Variants in SLC6A11 observed in about 807,000 individuals in gnomAD.
SLC6A11 encodes sodium- and chloride-dependent GABA transporter 3.
SLC6A11 carries 25 observed loss-of-function variants against 74.8 expected under a neutral mutation model. The observed-to-expected ratio is 0.33, with a 90% CI of 0.24 to 0.47. The LOEUF is 0.47. SLC6A11 is among the 20% of genes least tolerant of loss of function. The pLI is 1.00. For synonymous variants in SLC6A11, 330 were observed against 330.2 expected, an observed-to-expected ratio of 1.00 and a Z score of 0.01; for missense variants, 574 against 837.0, an observed-to-expected ratio of 0.69 and a Z score of 3.88.
intron 5 of SLC6A11, among the ~76,000 whole-genome samples, chr3:10,855,927 C>G (rs1694634132): frequency 6.6e-6 from 1 of 152,192 alleles, no homozygotes; most frequent in East Asian, 1.9e-4. Flanking sequence ...GATTGGGAAC[C>G]CATTGCATGC....
chr3:10,845,013 C>T (rs1694485741), intron 5 of SLC6A11, among the ~76,000 whole-genome samples: 1 of 152,180 alleles, frequency 6.6e-6, no homozygotes, highest in African/African-American at 2.4e-5. Flanking sequence ...ACCATGGGGA[C>T]ATCTGGGGAG....
intron 5 of SLC6A11, among the ~76,000 whole-genome samples, chr3:10,870,776 T>C (rs537076651): frequency 6.6e-6 from 1 of 152,306 alleles, no homozygotes; most frequent in Non-Finnish European, 1.5e-5. Context: ...ATGATGCCTC[T>C]AAGCCACCTT....
chr3:10,920,433 T>C (rs1477290666), intron 8 of SLC6A11, among the ~76,000 whole-genome samples: 1 of 152,174 alleles, frequency 6.6e-6, no homozygotes, highest in African/African-American at 2.4e-5. Flanking sequence ...GTAGGCTGAG[T>C]TCTTCCATTT....
In SLC6A11 at chr3:10,938,472, C is replaced by G; in HGVS notation, c.*70C>G. ...TGTATGTAAATGAATTCCTGAACCCCATACTTCACCTAATGGTAGGGGCTT... is the reference window on the plus strand; with the variant it reads ...TGTATGTAAATGAATTCCTGAACCCGATACTTCACCTAATGGTAGGGGCTT... On this transcript the variant is annotated 3_prime_UTR_variant, in exon 14 of 14. Coordinates refer to ENST00000254488, the MANE Select transcript of SLC6A11 (RefSeq NM_014229.3). 8.2e-6 allele frequency: 12 copies of G among 1,456,212 alleles called. No homozygotes were observed. Among genetic ancestry groups the G allele is most frequent in the Non-Finnish European group, 1.0e-5 (11 of 1,076,878 alleles). 90.2% of individuals were successfully genotyped at this position (1,456,212 alleles called of 1,614,324 possible). A position where few individuals can be genotyped will look rare whatever the true frequency, so the allele number is the denominator to read the frequency against.
At position 10,939,759 on chromosome 3, in the gene SLC6A11, C is replaced by T. The variant is rs1490441176; in HGVS notation, c.*1357C>T. 1.3e-5 allele frequency: 2 copies of T among 152,310 alleles called. No individual in the cohort carries two copies. Among genetic ancestry groups the T allele is most frequent in the East Asian group, 1.9e-4 (1 of 5,190 alleles). 9.4% of individuals were successfully genotyped at this position (152,310 alleles called of 1,614,324 possible). On this transcript the variant is annotated 3_prime_UTR_variant, in exon 14 of 14. Coordinates refer to ENST00000254488, the MANE Select transcript of SLC6A11 (RefSeq NM_014229.3). ...TCTCAGCTCTCACTAGAGGGAAGAC[C>T]TGGGCATCCTGCTGGCTCCTCTCTC...
chr3:10,872,713 A>C (rs1052590553), intron 5 of SLC6A11, among the ~76,000 whole-genome samples: 2 of 152,232 alleles, frequency 1.3e-5, no homozygotes, highest in Non-Finnish European at 2.9e-5. Context: ...GAACTGAGTC[A>C]ATAAAGGAAT....
Position 10,874,943 on chromosome 3 carries a change from C to G in SLC6A11, c.757-18C>G, listed in dbSNP as rs1694889713. 6.3e-7 allele frequency: 1 copy of G among 1,586,902 alleles called. No individual in the cohort carries two copies. The highest frequency in any genetic ancestry group is 1.3e-5 in the African/African-American group (1 of 74,186). On this transcript the variant is annotated intron_variant, in intron 5 of 13. Coordinates refer to ENST00000254488, the MANE Select transcript of SLC6A11 (RefSeq NM_014229.3). ...CTCTCACCCCCTTCTTGATTCTGTC[C>G]TCTCCTCTTGTGCACAGGTTGTATA... is the stretch of plus-strand genomic sequence containing the variant.
chr3:10,911,866 T>A (rs1695392297), intron 6 of SLC6A11, among the ~76,000 whole-genome samples: 1 of 152,174 alleles, frequency 6.6e-6, no homozygotes, highest in South Asian at 2.1e-4. Flanking sequence ...ATTCATAAAC[T>A]CTGGCAAATT....
intron 6 of SLC6A11, among the ~76,000 whole-genome samples, chr3:10,889,025 G>A (rs1695077326): frequency 6.6e-6 from 1 of 152,212 alleles, no homozygotes; most frequent in Non-Finnish European, 1.5e-5. Context: ...GTTTTTAAGT[G>A]GGGGAGGATC....
chr3:10,852,111 G>C (rs1444922635), intron 5 of SLC6A11, among the ~76,000 whole-genome samples: 1 of 152,274 alleles, frequency 6.6e-6, no homozygotes, highest in African/African-American at 2.4e-5. Context: ...AAGGAACTGA[G>C]AGCGCTGTCT....
At chr3:10,830,381 G>T (rs986239528) in intron 4 of SLC6A11, among the ~76,000 whole-genome samples, 2 of 152,222 alleles carry the variant, frequency 1.3e-5, no homozygotes, top group Admixed American at 1.3e-4. Context: ...CTGAAGAGCA[G>T]GCAGGGGCCA....
chr3:10,892,752 G>A lies in SLC6A11; in HGVS notation c.891+17657G>A, dbSNP rs180950415. 3.1e-3 allele frequency among the ~76,000 whole-genome samples: 467 copies of A among 152,018 alleles called. 2 individuals carry two copies. Among genetic ancestry groups the A allele is most frequent in the Admixed American group, 5.3e-3 (81 of 15,258 alleles). ...CTTTGGAGGAGACAAAGCCCAGAGA[G>A]AAGAGATGATTTACCTGTGGTCATG... On this transcript the variant is annotated intron_variant, in intron 6 of 13. Transcript: ENST00000254488.
rs188563454 is a variant in SLC6A11, at chr3:10,845,049, C to A, written c.756+703C>A. ...TGAGCATGCTGTGCACTGCAAGGAT[C>A]AGTACAGAGGTTAGAAACATGCAGC... is the stretch of plus-strand genomic sequence containing the variant. On this transcript the variant is annotated intron_variant, in intron 5 of 13. Coordinates refer to ENST00000254488, the MANE Select transcript of SLC6A11 (RefSeq NM_014229.3). Among the ~76,000 whole-genome samples, 6 of 152,302 alleles carry A rather than the reference C, an allele frequency of 3.9e-5. No homozygotes were observed. In the East Asian group the frequency reaches 9.7e-4, roughly 25 times the overall value.
At chr3:10,887,298 TGATG>T (rs113426564) in intron 6 of SLC6A11, among the ~76,000 whole-genome samples, 2,286 of 143,962 alleles carry the variant, frequency 0.016, 35 homozygotes, top group Middle Eastern at 0.025. Flanking sequence ...GATAAATGGA[TGATG>T]GATGGATGGA....
At chr3:10,923,841 C>T (rs1171619941) in intron 8 of SLC6A11, among the ~76,000 whole-genome samples, 1 of 138,752 alleles carries the variant, frequency 7.2e-6, no homozygotes, top group Non-Finnish European at 1.5e-5. Context: ...TAAACATCAC[C>T]AGTAATAATA....
chr3:10,858,400 G>T (rs1382320807), intron 5 of SLC6A11, among the ~76,000 whole-genome samples: 2 of 152,200 alleles, frequency 1.3e-5, no homozygotes, highest in Non-Finnish European at 2.9e-5. Context: ...ATCTTGAGAA[G>T]CAGGAGAGTT....
chr3:10,869,876 G>C (rs911651789), intron 5 of SLC6A11, among the ~76,000 whole-genome samples: 6 of 152,150 alleles, frequency 3.9e-5, no homozygotes, highest in Non-Finnish European at 8.8e-5. Flanking sequence ...TAAAAAGGGG[G>C]TGTAACTTCA....
chr3:10,865,950 C>A (rs1482568185), intron 5 of SLC6A11, among the ~76,000 whole-genome samples: 1 of 152,162 alleles, frequency 6.6e-6, no homozygotes, highest in African/African-American at 2.4e-5. Flanking sequence ...GCAACAGGAC[C>A]CACCCAAGAT....
intron 6 of SLC6A11, among the ~76,000 whole-genome samples, chr3:10,891,401 T>C (rs1695106080): frequency 6.6e-6 from 1 of 152,258 alleles, no homozygotes; most frequent in Non-Finnish European, 1.5e-5. Context: ...CCAATTAATA[T>C]TAAGGGAGAT....
Sources: allele counts gnomAD v4.1 joint callset (sites outside exome capture counted in the v4.1 genomes callset), GRCh38; gene constraint gnomAD v4.1.1; transcripts MANE v1.5; gene names NCBI Gene and HGNC (gene_info 2026-07-23, HGNC 2026-07-21).